Variants in KLHL4 observed in about 807,000 individuals in gnomAD.
KLHL4 encodes the protein kelch-like protein 4.
In KLHL4, 17 loss-of-function variants were observed where a neutral mutation model predicts 45.8. The observed-to-expected ratio is 0.37, with a 90% CI of 0.25 to 0.56. KLHL4 has a LOEUF of 0.56. Among genes scored for constraint, KLHL4 ranks in the 20% least tolerant of loss-of-function variants. The probability of loss-of-function intolerance (pLI) is 0.79; values close to 1 mark genes in which losing one functional copy is unlikely to be tolerated. For missense variants in KLHL4, 544 were observed against 544.9 expected (o/e 1.00, Z 0.02); for synonymous variants, 224 against 189.9 (o/e 1.18, Z -1.47).
chrX:87,544,288 C>T (rs144553819), intron 1 of KLHL4, among the ~76,000 whole-genome samples: 2,609 of 111,252 alleles, frequency 0.023, 30 homozygotes, highest in Middle Eastern at 0.037. Context: ...GTTTTGAGTG[C>T]CAGTTCAGCC....
At chrX:87,608,969 G>C in intron 1 of KLHL4, among the ~76,000 whole-genome samples, 1 of 110,338 alleles carries the variant, frequency 9.1e-6, no homozygotes, top group Non-Finnish European at 1.9e-5. Flanking sequence ...GTGTCCATGT[G>C]TTCTCATTGT....
At chrX:87,598,775 T>TA (rs1330147460) in intron 1 of KLHL4, among the ~76,000 whole-genome samples, 11 of 111,336 alleles carry the variant, frequency 9.9e-5, no homozygotes, top group South Asian at 3.7e-4. Context: ...ATAAGGATGT[T>TA]AAAAAAATCT....
intron 9 of KLHL4, among the ~76,000 whole-genome samples, chrX:87,646,797 C>A (rs1602462713): frequency 1.8e-5 from 2 of 111,600 alleles, no homozygotes; most frequent in African/African-American, 6.5e-5. Context: ...CATAAAATTT[C>A]TAGATGGTAC....
intron 1 of KLHL4, among the ~76,000 whole-genome samples, chrX:87,556,082 GAC>G (rs1931965984): frequency 9.0e-6 from 1 of 111,056 alleles, no homozygotes; most frequent in African/African-American, 3.3e-5. Flanking sequence ...TAGTCTGAGA[GAC>G]AGTTTGTTAT....
chrX:87,544,026 C>T (rs1431103979), intron 1 of KLHL4, among the ~76,000 whole-genome samples: 4 of 110,634 alleles, frequency 3.6e-5, no homozygotes, highest in Non-Finnish European at 7.6e-5. Flanking sequence ...CTTGGGGACC[C>T]TGATTTCAGG....
intron 9 of KLHL4, among the ~76,000 whole-genome samples, chrX:87,659,870 G>C (rs955936977): frequency 9.0e-6 from 1 of 111,019 alleles, no homozygotes; most frequent in African/African-American, 3.3e-5. Context: ...GTCATGTTCT[G>C]TGCCTGAGGT....
intron 1 of KLHL4, among the ~76,000 whole-genome samples, chrX:87,611,106 A>C (rs1004783210): frequency 9.0e-5 from 10 of 111,722 alleles, no homozygotes; most frequent in Non-Finnish European, 1.5e-4. Context: ...TTCTGAGAAT[A>C]TAAATTCTAT....
intron 1 of KLHL4, among the ~76,000 whole-genome samples, chrX:87,550,510 G>A (rs765180524): frequency 7.2e-5 from 8 of 111,344 alleles, no homozygotes; most frequent in East Asian, 2.8e-4. Flanking sequence ...ATTTGATGAA[G>A]CCAGCATTAC....
chrX:87,639,914 G>C lies in KLHL4; in HGVS notation c.1925+4139G>C, dbSNP rs377461941. 1.1e-4 allele frequency among the ~76,000 whole-genome samples: 12 copies of C among 109,874 alleles called. No individual in the cohort carries two copies. In the East Asian group the frequency reaches 2.6e-3, roughly 23 times the overall value. On this transcript the variant is annotated intron_variant, in intron 9 of 10. Transcript: ENST00000373119. The stretch of plus-strand genomic sequence containing the variant: ...AGAGAAAACACACAGCTGGTTCTTT[G>C]AAAAAAATAAACCAAATGAATAGAC...
intron 1 of KLHL4, among the ~76,000 whole-genome samples, chrX:87,550,947 G>A (rs1026788184): frequency 4.5e-5 from 5 of 110,817 alleles, no homozygotes; most frequent in African/African-American, 1.6e-4. Context: ...ACCGGAAAAA[G>A]ACAAGGATGC....
chrX:87,566,389 T>C (rs1007016925), intron 1 of KLHL4, among the ~76,000 whole-genome samples: 2 of 111,164 alleles, frequency 1.8e-5, no homozygotes, highest in African/African-American at 3.3e-5. Flanking sequence ...CCATCATAAG[T>C]TGAAAATACC....
intron 1 of KLHL4, among the ~76,000 whole-genome samples, chrX:87,575,681 T>G (rs1372857173): frequency 9.0e-6 from 1 of 111,634 alleles, no homozygotes; most frequent in Non-Finnish European, 1.9e-5. Flanking sequence ...GACACATAGA[T>G]GTTTTACAAT....
At chrX:87,551,910 G>T (rs1344740327) in intron 1 of KLHL4, among the ~76,000 whole-genome samples, 1 of 111,684 alleles carries the variant, frequency 9.0e-6, no homozygotes, top group African/African-American at 3.2e-5. Context: ...ACTCAAGAGG[G>T]ATTAAGGACT....
At chrX:87,553,668 T>G (rs1392111952) in intron 1 of KLHL4, among the ~76,000 whole-genome samples, 1 of 111,447 alleles carries the variant, frequency 9.0e-6, no homozygotes, top group Non-Finnish European at 1.9e-5. Flanking sequence ...TGTGGCTAAT[T>G]TTCCTGAAGA....
chrX:87,603,807 G>C (rs1922098439), intron 1 of KLHL4, among the ~76,000 whole-genome samples: 2 of 109,882 alleles, frequency 1.8e-5, no homozygotes, highest in Non-Finnish European at 3.8e-5. Flanking sequence ...TCACTCTACT[G>C]TGCAATGAAA....
At chrX:87,523,482 G>T (rs1931043056) in intron 1 of KLHL4, among the ~76,000 whole-genome samples, 1 of 111,544 alleles carries the variant, frequency 9.0e-6, no homozygotes, top group African/African-American at 3.3e-5. Context: ...GAAACATCTT[G>T]TAGTGCTAGA....
chrX:87,646,057 T>A (rs1923620423), intron 9 of KLHL4, among the ~76,000 whole-genome samples: 1 of 110,935 alleles, frequency 9.0e-6, no homozygotes, highest in African/African-American at 3.3e-5. Context: ...TGGAAAAAAA[T>A]TAATATACAC....
chrX:87,633,062 T>A (rs1254920711), intron 7 of KLHL4, among the ~76,000 whole-genome samples: 1 of 111,308 alleles, frequency 9.0e-6, no homozygotes, highest in African/African-American at 3.3e-5. Flanking sequence ...TAGACATAGC[T>A]TAGAAAGGTC....
intron 1 of KLHL4, among the ~76,000 whole-genome samples, chrX:87,536,861 A>T (rs1479098639): frequency 1.8e-5 from 2 of 111,632 alleles, no homozygotes; most frequent in African/African-American, 6.5e-5. Flanking sequence ...TAATTTAAGA[A>T]AGAACTGTAT....
Sources: gnomAD v4.1 joint callset for allele counts (sites outside exome capture counted in the v4.1 genomes callset) on GRCh38, gnomAD v4.1.1 for gene constraint, MANE v1.5 for transcripts, NCBI Gene and HGNC (gene_info 2026-07-23, HGNC 2026-07-21) for gene names.